Variants in MRPL49 observed in about 807,000 individuals in gnomAD.
The protein encoded by MRPL49 is mitochondrial ribosomal protein L49, also known as large ribosomal subunit protein mL49.
In MRPL49, 14 loss-of-function variants were observed where a neutral mutation model predicts 18.4. That is an observed-to-expected ratio of 0.76 (90% CI 0.50 to 1.19). The LOEUF is 1.19. Ranked by LOEUF, MRPL49 falls within the 50% of genes most tolerant of loss-of-function variation. The pLI is 0.00. For synonymous variants in MRPL49, 104 were observed against 86.2 expected (o/e 1.21, Z -1.14); for missense variants, 190 against 217.8 (o/e 0.87, Z 0.80).
rs1265641419 is a variant in MRPL49 at position 65,126,952 on chromosome 11, A to G, written c.*1080A>G. On this transcript the variant is annotated 3_prime_UTR_variant, in exon 4 of 4. Coordinates refer to ENST00000279242, the MANE Select transcript of MRPL49 (RefSeq NM_004927.4). ...CATCCCATCCCAACCCCAGCTCACT[A>G]GCCTTCATATATGCCTTATACTTGG... 1.5e-6 allele frequency: 1 copy of G among 667,486 alleles called. No individual in the cohort carries two copies. The highest frequency in any genetic ancestry group is 2.7e-6 in the Non-Finnish European group (1 of 364,782). 41.3% of individuals were successfully genotyped at this position (667,486 alleles called of 1,614,324 possible).
At position 65,124,863 on chromosome 11, in the gene MRPL49, A is replaced by G. The variant is rs3819049; in HGVS notation, c.229+211A>G. 0.068 allele frequency: 34,829 copies of G among 509,162 alleles called. 1,597 individuals carry two copies. The highest frequency in any genetic ancestry group is 0.19 in the South Asian group (5,610 of 29,502). 31.5% of individuals were successfully genotyped at this position (509,162 alleles called of 1,614,324 possible). A position where few individuals can be genotyped will look rare whatever the true frequency, so the allele number is the denominator to read the frequency against. Reference sequence around the variant, plus strand: ...GTACTCATCCATCCACACTATTGAGATCAGGTCTTCCCCATATGGGGGAAA... The same window carrying G: ...GTACTCATCCATCCACACTATTGAGGTCAGGTCTTCCCCATATGGGGGAAA... On this transcript the variant is annotated intron_variant, in intron 2 of 3. Coordinates refer to ENST00000279242, the MANE Select transcript of MRPL49 (RefSeq NM_004927.4).
Position 65,126,716 on chromosome 11 carries a change from A to T in MRPL49, c.*844A>T. ...AAGTACAGTGCTGGCACTGGGGCAC[A>T]GAGTGCCCACGTTAGCCCCGGGCTC... is the stretch of plus-strand genomic sequence containing the variant. On this transcript the variant is annotated 3_prime_UTR_variant, in exon 4 of 4. Transcript: ENST00000279242. 2.3e-6 allele frequency: 1 copy of T among 430,288 alleles called. No individual in the cohort carries two copies. Among genetic ancestry groups the T allele is most frequent in the Non-Finnish European group, 4.2e-6 (1 of 239,824 alleles). 26.7% of individuals were successfully genotyped at this position (430,288 alleles called of 1,614,324 possible). A position where few individuals can be genotyped will look rare whatever the true frequency, so the allele number is the denominator to read the frequency against.
chr11:65,123,175 G>A (rs1463707904), intron 1 of MRPL49, among the ~76,000 whole-genome samples: 3 of 152,164 alleles, frequency 2.0e-5, no homozygotes, highest in Non-Finnish European at 4.4e-5. Context: ...GAGACAGAAA[G>A]TTAAGCCTTA....
At chr11:65,124,841 C>G (rs1416273479) in intron 2 of MRPL49, 189 bp downstream of exon 2, 2 of 584,842 alleles carry the variant, frequency 3.4e-6, no homozygotes, top group Admixed American at 3.5e-5. Flanking sequence ...TTCACTGGTA[C>G]TCATCCATCC....
At position 65,124,601 on chromosome 11, in the gene MRPL49, C is replaced by T. The variant is rs772950836; in HGVS notation, c.178C>T (p.Pro60Ser). Residue 60 changes from proline (P) to serine (S), a missense_variant, in exon 2 of 4, where the codon CCC becomes TCC. Transcript: ENST00000279242. ...GTTACCGGCTACCAGGATCCCAGATCCCCCAAAGCATGAACATTATCCTAC... is the reference window on the plus strand; with the variant it reads ...GTTACCGGCTACCAGGATCCCAGATTCCCCAAAGCATGAACATTATCCTAC... The part of the protein sequence containing the change: ...RLLPATRIPD[P>S]PKHEHYPTPS... 6 of 1,614,180 alleles carry T rather than the reference C, an allele frequency of 3.7e-6. No homozygotes were observed. The South Asian group carries it at 4.4e-5, about 12-fold the overall frequency.
upstream of MRPL49, chr11:65,122,316 C>T (rs752039467): frequency 1.8e-5 from 29 of 1,606,400 alleles, no homozygotes; most frequent in Admixed American, 4.4e-4. Context: ...CAGACAGTTG[C>T]GCGCACAGAA....
At position 65,127,217 on chromosome 11, in the gene MRPL49, G is replaced by A; in HGVS notation, c.*1345G>A. The A allele has an allele frequency of 1.8e-6, 1 of 541,260 alleles. No homozygotes were observed. The highest frequency in any genetic ancestry group is 3.3e-6 in the Non-Finnish European group (1 of 305,966). 33.5% of individuals were successfully genotyped at this position (541,260 alleles called of 1,614,324 possible). ...TGGAGATTCCATTCCATTTTCAAGTGTACAGCCACAGCAAGGAGCCCGACA... is the reference window on the plus strand; with the variant it reads ...TGGAGATTCCATTCCATTTTCAAGTATACAGCCACAGCAAGGAGCCCGACA... On this transcript the variant is annotated 3_prime_UTR_variant, in exon 4 of 4. Coordinates refer to ENST00000279242, the MANE Select transcript of MRPL49 (RefSeq NM_004927.4).
intron 1 of MRPL49, among the ~76,000 whole-genome samples, chr11:65,123,531 T>C (rs1051582143): frequency 3.9e-5 from 6 of 152,128 alleles, no homozygotes; most frequent in African/African-American, 1.4e-4. Context: ...AGTCAGGAGT[T>C]TGAGACAAGC....
In MRPL49 at chr11:65,125,653, C is replaced by G. The variant is rs375509318; in HGVS notation, c.354+41C>G. ...GGTCTGGGACTGGGCCTGACCCTTT[C>G]AGGGCTGAAGGGACAGGAGTCTTTT... On this transcript the variant is annotated intron_variant, in intron 3 of 3. Coordinates refer to ENST00000279242, the MANE Select transcript of MRPL49 (RefSeq NM_004927.4). 1.6e-5 allele frequency: 26 copies of G among 1,613,424 alleles called. No individual in the cohort carries two copies. In the African/African-American group the frequency reaches 3.3e-4, roughly 21 times the overall value.
chr11:65,122,539 T>A, intron 1 of MRPL49, 115 bp downstream of exon 1: 1 of 952,338 alleles, frequency 1.1e-6, no homozygotes. Flanking sequence ...TTTGCCGTTT[T>A]CGATCAGGAG....
Position 65,122,381 on chromosome 11 carries a change from G to T in MRPL49, c.35G>T (p.Gly12Val). Residue 12 changes from glycine (G) to valine (V), a missense_variant, in exon 1 of 4, where the codon GGA becomes GTA. By Grantham distance (109) the Gly-to-Val change is moderately radical. Coordinates refer to ENST00000279242, the MANE Select transcript of MRPL49 (RefSeq NM_004927.4). ...AATMFRATLR[G>V]WRTGVQRGCG... ...ACCATGTTCCGGGCTACGCTGCGGGGATGGAGAACCGGTGTCCAGCGGGGC... is the reference window on the plus strand; with the variant it reads ...ACCATGTTCCGGGCTACGCTGCGGGTATGGAGAACCGGTGTCCAGCGGGGC... The T allele has an allele frequency of 6.2e-7, 1 of 1,613,352 alleles. No individual in the cohort carries two copies. The highest frequency in any genetic ancestry group is 8.5e-7 in the Non-Finnish European group (1 of 1,179,740).
intron 1 of MRPL49, among the ~76,000 whole-genome samples, chr11:65,122,631 T>C (rs529844542): frequency 6.6e-6 from 1 of 152,080 alleles, no homozygotes; most frequent in South Asian, 2.1e-4. Context: ...ACACAGTGCC[T>C]GGCAGTGTCT....
Position 65,126,674 on chromosome 11 carries a change from T to G in MRPL49, c.*802T>G. 9.9e-6 allele frequency: 3 copies of G among 303,560 alleles called. No homozygotes were observed. The highest frequency in any genetic ancestry group is 6.3e-5 in the East Asian group (1 of 15,824). 18.8% of individuals were successfully genotyped at this position (303,560 alleles called of 1,614,324 possible). ...ACACAGATGACTCGGGCATGGGTCT[T>G]GGAGATCTTCTGTTCAAAGTACAGT... On this transcript the variant is annotated 3_prime_UTR_variant, in exon 4 of 4. Transcript: ENST00000279242.
intron 1 of MRPL49, among the ~76,000 whole-genome samples, chr11:65,123,083 T>C (rs1053492550): frequency 6.6e-6 from 1 of 152,188 alleles, no homozygotes; most frequent in African/African-American, 2.4e-5. Context: ...CAGATGTGAT[T>C]AGGTTAGCAA....
At chr11:65,124,790 C>G (rs1424513454) in intron 2 of MRPL49, 138 bp downstream of exon 2, 1 of 936,788 alleles carries the variant, frequency 1.1e-6, no homozygotes, top group Non-Finnish European at 1.5e-6. Context: ...TTACATCTGT[C>G]TCATGCCCAA....
chr11:65,122,801 G>A (rs1329079386), intron 1 of MRPL49, among the ~76,000 whole-genome samples: 2 of 148,802 alleles, frequency 1.3e-5, no homozygotes, highest in Non-Finnish European at 3.0e-5. Context: ...CCCACTGCAA[G>A]CTCCGCCTCC....
chr11:65,126,075 A>T lies in MRPL49; in HGVS notation c.*203A>T. On this transcript the variant is annotated 3_prime_UTR_variant, in exon 4 of 4. Coordinates refer to ENST00000279242, the MANE Select transcript of MRPL49 (RefSeq NM_004927.4). ...GGGAGAGTGCCTAATGTGGGAGACC[A>T]AATAGGGATCACCAGGCTAATGGGG... The T allele has an allele frequency of 1.9e-6, 1 of 531,926 alleles. No individual in the cohort carries two copies. The highest frequency in any genetic ancestry group is 4.9e-4 in the Middle Eastern group (1 of 2,050). 33.0% of individuals were successfully genotyped at this position (531,926 alleles called of 1,614,324 possible). A position where few individuals can be genotyped will look rare whatever the true frequency, so the allele number is the denominator to read the frequency against.
At chr11:65,122,522 C>A in intron 1 of MRPL49, 98 bp downstream of exon 1, 2 of 1,208,642 alleles carry the variant, frequency 1.7e-6, no homozygotes, top group East Asian at 2.6e-5. Flanking sequence ...CTACTTGGGG[C>A]CTTAGTTTTG....
chr11:65,126,882 T>C lies in MRPL49; in HGVS notation c.*1010T>C, dbSNP rs1948108032. The C allele has an allele frequency of 1.7e-6, 1 of 595,456 alleles. No homozygotes were observed. The highest frequency in any genetic ancestry group is 2.9e-5 in the Admixed American group (1 of 34,046). 36.9% of individuals were successfully genotyped at this position (595,456 alleles called of 1,614,324 possible). ...CAGCCTTCTGACCTGCAATCAAGGC[T>C]GGGGAGGGGTTTGCAGGCAGGAATA... On this transcript the variant is annotated 3_prime_UTR_variant, in exon 4 of 4. Coordinates refer to ENST00000279242, the MANE Select transcript of MRPL49 (RefSeq NM_004927.4).
Sources: allele counts gnomAD v4.1 joint callset (sites outside exome capture counted in the v4.1 genomes callset), GRCh38; gene constraint gnomAD v4.1.1; transcripts MANE v1.5; gene names NCBI Gene and HGNC (gene_info 2026-07-23, HGNC 2026-07-21).